PTPRJ: variants seen among roughly 807,000 people sequenced by gnomAD.
PTPRJ encodes receptor-type tyrosine-protein phosphatase eta.
PTPRJ carries 129 observed loss-of-function variants against 141.3 expected under a neutral mutation model. The observed-to-expected ratio is 0.91, with a 90% CI of 0.79 to 1.06. The LOEUF (loss-of-function observed/expected upper bound fraction) is 1.06, where lower values mean the gene tolerates loss of function less well. PTPRJ is among the 50% of genes least tolerant of loss of function. The pLI, the probability that PTPRJ is intolerant of heterozygous loss-of-function variation, is 0.00. For synonymous variants in PTPRJ, 610 were observed against 640.5 expected, an observed-to-expected ratio of 0.95 and a Z score of 0.72; for missense variants, 1,601 against 1,679.7, an observed-to-expected ratio of 0.95 and a Z score of 0.82.
intron 1 of PTPRJ, among the ~76,000 whole-genome samples, chr11:48,049,741 G>A (rs1034804147): frequency 4.6e-5 from 7 of 151,292 alleles, no homozygotes; most frequent in Non-Finnish European, 8.8e-5. Flanking sequence ...AAAAGAATTG[G>A]TACTATCTTA....
chr11:48,021,762 G>A (rs138506754), intron 1 of PTPRJ, among the ~76,000 whole-genome samples: 3 of 152,300 alleles, frequency 2.0e-5, no homozygotes, highest in South Asian at 2.1e-4. Flanking sequence ...CAGTGCAATT[G>A]TCTGTGGGTT....
intron 6 of PTPRJ, 49 bp from the exon 7 acceptor site, chr11:48,127,731 T>C: frequency 1.9e-6 from 3 of 1,590,612 alleles, no homozygotes; most frequent in Non-Finnish European, 2.6e-6. Flanking sequence ...TCTCCCTCCC[T>C]CTGCCTTGGC....
intron 1 of PTPRJ, among the ~76,000 whole-genome samples, chr11:47,988,276 A>G (rs1854102607): frequency 6.6e-6 from 1 of 152,260 alleles, no homozygotes; most frequent in Admixed American, 6.5e-5. Context: ...TCCTTCCCCA[A>G]AAGGGAATGC....
intron 1 of PTPRJ, among the ~76,000 whole-genome samples, chr11:48,099,867 T>A (rs1032393753): frequency 2.0e-5 from 3 of 152,172 alleles, no homozygotes; most frequent in Admixed American, 6.5e-5. Flanking sequence ...CAGTTTCCTG[T>A]GCTGTCTGGA....
chr11:48,059,642 T>C (rs954006437), intron 1 of PTPRJ, among the ~76,000 whole-genome samples: 1 of 152,228 alleles, frequency 6.6e-6, no homozygotes, highest in Non-Finnish European at 1.5e-5. Flanking sequence ...AGACACATCA[T>C]TCCTGCCCTC....
intron 1 of PTPRJ, among the ~76,000 whole-genome samples, chr11:48,007,051 T>G (rs1213391770): frequency 6.6e-6 from 1 of 152,170 alleles, no homozygotes; most frequent in African/African-American, 2.4e-5. Context: ...TCCCCTTTAC[T>G]GTGACCAGTG....
At chr11:48,078,340 G>T (rs61914739) in intron 1 of PTPRJ, among the ~76,000 whole-genome samples, 4,628 of 152,246 alleles carry the variant, frequency 0.03, 106 homozygotes, top group Non-Finnish European at 0.046. Context: ...TTACAGGCAT[G>T]AGCCACCGTG....
rs907066466 is a variant in PTPRJ, at chr11:48,024,300, G to A, written c.96+43292G>A. 3.3e-5 allele frequency among the ~76,000 whole-genome samples: 5 copies of A among 152,164 alleles called. No homozygotes were observed. In the East Asian group the frequency reaches 5.8e-4, roughly 18 times the overall value. ...TCAACCTCCGCCTCCTGTGTTCAAG[G>A]AATTCTCCTGTCTCAGCCTCCCGAG... On this transcript the variant is annotated intron_variant, in intron 1 of 24. Coordinates refer to ENST00000418331, the MANE Select transcript of PTPRJ (RefSeq NM_002843.4).
At chr11:48,090,870 G>GCCCAGTC (rs1440532410) in intron 1 of PTPRJ, among the ~76,000 whole-genome samples, 1 of 152,036 alleles carries the variant, frequency 6.6e-6, no homozygotes, top group Admixed American at 6.5e-5. Context: ...AGTCATTCAG[G>GCCCAGTC]CCCAGTCCTT....
chr11:48,035,832 G>T (rs180858855), intron 1 of PTPRJ, among the ~76,000 whole-genome samples: 1 of 152,260 alleles, frequency 6.6e-6, no homozygotes, highest in East Asian at 1.9e-4. Context: ...GGGAGAGTAA[G>T]CCTATTGCTT....
At chr11:48,147,411 A>C (rs533103614) in intron 15 of PTPRJ, among the ~76,000 whole-genome samples, 1 of 152,312 alleles carries the variant, frequency 6.6e-6, no homozygotes, top group East Asian at 1.9e-4. Context: ...GGCACTTCTC[A>C]GTGTCTTGTG....
chr11:48,081,232 G>A (rs1455709377), intron 1 of PTPRJ, among the ~76,000 whole-genome samples: 1 of 152,210 alleles, frequency 6.6e-6, no homozygotes, highest in Admixed American at 6.5e-5. Flanking sequence ...CTTGTGCCGA[G>A]CCGCCAAGTG....
intron 1 of PTPRJ, among the ~76,000 whole-genome samples, chr11:47,996,450 G>C (rs1854340228): frequency 6.6e-6 from 1 of 151,938 alleles, no homozygotes. Flanking sequence ...CCTGCTATCT[G>C]CACAGGGACT....
At chr11:48,066,745 C>G (rs963812769) in intron 1 of PTPRJ, among the ~76,000 whole-genome samples, 1 of 151,982 alleles carries the variant, frequency 6.6e-6, no homozygotes, top group African/African-American at 2.4e-5. Flanking sequence ...GCCACTATGT[C>G]CAACTAATTT....
At chr11:48,022,802 G>A (rs942035058) in intron 1 of PTPRJ, among the ~76,000 whole-genome samples, 16 of 152,218 alleles carry the variant, frequency 1.1e-4, no homozygotes, top group East Asian at 1.9e-4. Flanking sequence ...TTCTCTTGCC[G>A]GTGTGTGTGT....
At chr11:48,104,737 A>G (rs553108148) in intron 1 of PTPRJ, among the ~76,000 whole-genome samples, 2 of 152,296 alleles carry the variant, frequency 1.3e-5, no homozygotes, top group East Asian at 3.9e-4. Flanking sequence ...GGCTGTTCCC[A>G]AGGCCCAGGA....
At chr11:48,057,219 G>T (rs767203891) in intron 1 of PTPRJ, among the ~76,000 whole-genome samples, 1 of 152,188 alleles carries the variant, frequency 6.6e-6, no homozygotes, top group East Asian at 1.9e-4. Flanking sequence ...AGGTGCTTAG[G>T]CATCATTTGC....
intron 1 of PTPRJ, among the ~76,000 whole-genome samples, chr11:48,091,990 T>C (rs1728018824): frequency 6.6e-6 from 1 of 151,996 alleles, no homozygotes; most frequent in African/African-American, 2.4e-5. Flanking sequence ...GTCCCCTGGG[T>C]GCTGTTTAGA....
At chr11:48,039,990 T>C (rs1854234307) in intron 1 of PTPRJ, among the ~76,000 whole-genome samples, 1 of 152,196 alleles carries the variant, frequency 6.6e-6, no homozygotes, top group Non-Finnish European at 1.5e-5. Context: ...GGTTTCACCA[T>C]GTTGGGCAGG....
Sources: gnomAD v4.1 joint callset for allele counts (sites outside exome capture counted in the v4.1 genomes callset) on GRCh38, gnomAD v4.1.1 for gene constraint, MANE v1.5 for transcripts, NCBI Gene and HGNC (gene_info 2026-07-23, HGNC 2026-07-21) for gene names.